The following TSPAN9 variants were observed in gnomAD, a reference collection of about 807,000 sequenced individuals.
TSPAN9 encodes the protein tetraspanin-9.
Under a neutral mutation model 31.0 loss-of-function variants are expected in TSPAN9, and 16 were observed. The ratio of observed to expected loss-of-function variants is 0.52; its 90% CI spans 0.35 to 0.78. TSPAN9 has a LOEUF of 0.78. TSPAN9 is among the 30% of genes least tolerant of loss of function. TSPAN9 has a pLI of 0.01. For missense variants in TSPAN9, 272 were observed against 312.5 expected (o/e 0.87, Z 0.98); for synonymous variants, 145 against 121.6 (o/e 1.19, Z -1.27).
chr12:3,115,976 T>C (rs553529011), intron 2 of TSPAN9, among the ~76,000 whole-genome samples: 2 of 152,342 alleles, frequency 1.3e-5, no homozygotes, highest in African/African-American at 4.8e-5. Flanking sequence ...TTAACAACCC[T>C]TTTTACTGTC....
At position 3,077,411 on chromosome 12, in the gene TSPAN9, C is replaced by G. The variant is rs1007778223; in HGVS notation, c.-127C>G. 7 of 151,540 alleles carry G rather than the reference C, an allele frequency of 4.6e-5. No homozygotes were observed. In the South Asian group the frequency reaches 9.0e-4, roughly 19 times the overall value. 9.4% of individuals were successfully genotyped at this position (151,540 alleles called of 1,614,324 possible). A position where few individuals can be genotyped will look rare whatever the true frequency, so the allele number is the denominator to read the frequency against. ...CTGGCGGCGGCGGCGGCGGCGGTGC[C>G]GGAGCGCGAGCAGAGCGGAGACCCC... On this transcript the variant is annotated 5_prime_UTR_variant, in exon 1 of 9. Coordinates refer to ENST00000011898, the MANE Select transcript of TSPAN9 (RefSeq NM_006675.5).
intron 3 of TSPAN9, among the ~76,000 whole-genome samples, chr12:3,269,960 A>G (rs1470393053): frequency 1.3e-5 from 2 of 152,170 alleles, no homozygotes; most frequent in Non-Finnish European, 2.9e-5. Context: ...ATCGATGTTT[A>G]TGGACTGGTG....
intron 2 of TSPAN9, among the ~76,000 whole-genome samples, chr12:3,119,520 T>C (rs977922899): frequency 6.6e-6 from 1 of 152,110 alleles, no homozygotes; most frequent in Non-Finnish European, 1.5e-5. Flanking sequence ...GTGTGATGTT[T>C]GTGTGTGCTT....
chr12:3,220,185 A>G (rs1273164722), intron 3 of TSPAN9, among the ~76,000 whole-genome samples: 9 of 151,938 alleles, frequency 5.9e-5, no homozygotes, highest in African/African-American at 2.2e-4. Context: ...AGTTTCTTCA[A>G]AGAGACCTTA....
chr12:3,191,515 C>T (rs1015766008), intron 2 of TSPAN9, among the ~76,000 whole-genome samples: 8 of 152,144 alleles, frequency 5.3e-5, no homozygotes, highest in African/African-American at 1.9e-4. Context: ...AGTTGAGGAA[C>T]CAGAGGTTGA....
At chr12:3,091,542 A>G (rs573506854) in intron 2 of TSPAN9, among the ~76,000 whole-genome samples, 30 of 152,262 alleles carry the variant, frequency 2.0e-4, no homozygotes, top group African/African-American at 7.0e-4. Context: ...CCCAGCACCA[A>G]TCATTCATCA....
chr12:3,104,408 G>A (rs1481157462), intron 2 of TSPAN9, among the ~76,000 whole-genome samples: 2 of 151,878 alleles, frequency 1.3e-5, no homozygotes, highest in African/African-American at 2.4e-5. Flanking sequence ...GCTGGAGTCC[G>A]GTGGCATGAT....
At chr12:3,228,490 C>T (rs981903752) in intron 3 of TSPAN9, among the ~76,000 whole-genome samples, 1 of 152,236 alleles carries the variant, frequency 6.6e-6, no homozygotes, top group Admixed American at 6.5e-5. Flanking sequence ...AGATCCAGGA[C>T]TAGCTTAGGC....
intron 3 of TSPAN9, among the ~76,000 whole-genome samples, chr12:3,264,351 C>A (rs975078263): frequency 1.4e-4 from 21 of 152,234 alleles, no homozygotes; most frequent in Admixed American, 1.0e-3. Flanking sequence ...AACCCACCTC[C>A]TCTGGAGCTG....
chr12:3,217,712 C>T (rs1222569076), intron 3 of TSPAN9, among the ~76,000 whole-genome samples: 1 of 152,170 alleles, frequency 6.6e-6, no homozygotes, highest in Non-Finnish European at 1.5e-5. Context: ...CCCTTCACCC[C>T]TTCACCCCTT....
chr12:3,268,671 G>C (rs1591716008), intron 3 of TSPAN9, among the ~76,000 whole-genome samples: 1 of 118,616 alleles, frequency 8.4e-6, no homozygotes, highest in African/African-American at 3.4e-5. Context: ...CGTTCCTGCA[G>C]CCTGCCCTCT....
At chr12:3,207,360 T>C (rs1482054562) in intron 3 of TSPAN9, among the ~76,000 whole-genome samples, 1 of 152,180 alleles carries the variant, frequency 6.6e-6, no homozygotes, top group Non-Finnish European at 1.5e-5. Context: ...GCTTTGAAGC[T>C]GAGCTAAACC....
Position 3,226,353 on chromosome 12 carries a change from T to A in TSPAN9, c.63+25097T>A, listed in dbSNP as rs1045682893. 2.0e-5 allele frequency among the ~76,000 whole-genome samples: 3 copies of A among 152,146 alleles called. No individual in the cohort carries two copies. In the East Asian group the frequency reaches 5.8e-4, roughly 29 times the overall value. ...AAGTTCAAGGGGACGAGCCTGGGTATTAGGGAATGATCCGCTCTTGAAAGG... is the reference window on the plus strand; with the variant it reads ...AAGTTCAAGGGGACGAGCCTGGGTAATAGGGAATGATCCGCTCTTGAAAGG... On this transcript the variant is annotated intron_variant, in intron 3 of 8. Coordinates refer to ENST00000011898, the MANE Select transcript of TSPAN9 (RefSeq NM_006675.5).
chr12:3,262,761 T>C (rs986396361), intron 3 of TSPAN9, among the ~76,000 whole-genome samples: 1 of 152,148 alleles, frequency 6.6e-6, no homozygotes, highest in Non-Finnish European at 1.5e-5. Context: ...TCAGACGTAA[T>C]TGATTCTGAC....
chr12:3,110,752 A>G (rs1480285181), intron 2 of TSPAN9, among the ~76,000 whole-genome samples: 3 of 152,220 alleles, frequency 2.0e-5, no homozygotes, highest in East Asian at 3.9e-4. Context: ...GACTGTTCTG[A>G]TGTGCCAGTC....
At chr12:3,087,770 A>G (rs954926494) in intron 2 of TSPAN9, among the ~76,000 whole-genome samples, 2 of 151,982 alleles carry the variant, frequency 1.3e-5, no homozygotes, top group African/African-American at 4.8e-5. Context: ...TGGCCACTGC[A>G]CTCCAGCCTG....
chr12:3,113,793 G>A (rs1322645679), intron 2 of TSPAN9, among the ~76,000 whole-genome samples: 3 of 152,120 alleles, frequency 2.0e-5, no homozygotes, highest in Non-Finnish European at 4.4e-5. Flanking sequence ...CTTCTATTGG[G>A]CCTTGCGCCC....
intron 2 of TSPAN9, among the ~76,000 whole-genome samples, chr12:3,156,180 C>G (rs2098342189): frequency 6.6e-6 from 1 of 152,182 alleles, no homozygotes; most frequent in Non-Finnish European, 1.5e-5. Context: ...TGTCTGGGGT[C>G]TGGGTGCACC....
In TSPAN9 at chr12:3,273,713, G is replaced by A. The variant is rs187264581; in HGVS notation, c.64-4708G>A. Among the ~76,000 whole-genome samples, 53 of 152,248 alleles carry A rather than the reference G, an allele frequency of 3.5e-4. 1 individual carries two copies. Among genetic ancestry groups the A allele is most frequent in the Admixed American group, 3.1e-3 (47 of 15,302 alleles). ...CCCCTGCCCTGCACCTCCCTCTCCTGCTCCTGCCGCACCCTCTCCCTGCCC... is the reference window on the plus strand; with the variant it reads ...CCCCTGCCCTGCACCTCCCTCTCCTACTCCTGCCGCACCCTCTCCCTGCCC... On this transcript the variant is annotated intron_variant, in intron 3 of 8. Transcript: ENST00000011898.
Sources: gnomAD v4.1 joint callset for allele counts (sites outside exome capture counted in the v4.1 genomes callset) on GRCh38, gnomAD v4.1.1 for gene constraint, MANE v1.5 for transcripts, NCBI Gene and HGNC (gene_info 2026-07-23, HGNC 2026-07-21) for gene names.